Variants in SLC24A4 observed in about 807,000 individuals in gnomAD.
SLC24A4 encodes the protein sodium/potassium/calcium exchanger 4.
Under a neutral mutation model 79.0 loss-of-function variants are expected in SLC24A4, and 53 were observed. The ratio of observed to expected loss-of-function variants is 0.67; its 90% CI spans 0.54 to 0.84. The LOEUF is 0.84. Among genes scored for constraint, SLC24A4 ranks in the 40% least tolerant of loss-of-function variants. The pLI is 0.00. For synonymous variants in SLC24A4, 323 were observed against 323.8 expected (o/e 1.00, Z 0.03); for missense variants, 731 against 822.0 (o/e 0.89, Z 1.35).
chr14:92,423,827 G>A (rs1437545412), intron 2 of SLC24A4, among the ~76,000 whole-genome samples: 1 of 152,170 alleles, frequency 6.6e-6, no homozygotes, highest in Non-Finnish European at 1.5e-5. Flanking sequence ...GGCATTGTGT[G>A]CATTGGTTTA....
chr14:92,346,096 G>A (rs1242856151), intron 2 of SLC24A4, among the ~76,000 whole-genome samples: 14 of 152,130 alleles, frequency 9.2e-5, no homozygotes, highest in Admixed American at 8.5e-4. Flanking sequence ...AGGAAGCGCC[G>A]GGGCCCTGAG....
chr14:92,376,477 C>T (rs1032161973), intron 2 of SLC24A4, among the ~76,000 whole-genome samples: 3 of 152,230 alleles, frequency 2.0e-5, no homozygotes, highest in African/African-American at 4.8e-5. Context: ...GCGTGGGAGA[C>T]GACTGGCTTT....
At chr14:92,421,837 T>A (rs184764914) in intron 2 of SLC24A4, among the ~76,000 whole-genome samples, 251 of 151,554 alleles carry the variant, frequency 1.7e-3, no homozygotes, top group Admixed American at 3.1e-3. Context: ...TTCATTTTTT[T>A]AAAAAAAATA....
intron 2 of SLC24A4, among the ~76,000 whole-genome samples, chr14:92,430,346 AT>A (rs2139780735): frequency 1.3e-5 from 2 of 152,332 alleles, no homozygotes; most frequent in South Asian, 4.1e-4. Flanking sequence ...GAAAGTTTGG[AT>A]CCCTGAACGG....
At chr14:92,452,225 GC>G (rs1250362509) in intron 10 of SLC24A4, 3 of 152,232 alleles carry the variant, frequency 2.0e-5, no homozygotes, top group African/African-American at 7.2e-5. Flanking sequence ...CTCCTTCTGA[GC>G]CCAGTTGTTC....
chr14:92,358,485 T>G (rs927382286), intron 2 of SLC24A4, among the ~76,000 whole-genome samples: 4 of 152,048 alleles, frequency 2.6e-5, no homozygotes, highest in Non-Finnish European at 5.9e-5. Flanking sequence ...ACTCCGCTTG[T>G]CCGTACTCAT....
At chr14:92,393,242 G>A (rs1053917918) in intron 2 of SLC24A4, among the ~76,000 whole-genome samples, 2 of 152,246 alleles carry the variant, frequency 1.3e-5, no homozygotes, top group Non-Finnish European at 2.9e-5. Context: ...TAAAGCAGTG[G>A]GAACAGACCA....
chr14:92,449,259 A>G, intron 10 of SLC24A4, 43 bp downstream of exon 10: 1 of 1,599,008 alleles, frequency 6.3e-7, no homozygotes, highest in Non-Finnish European at 8.5e-7. Context: ...GTGTCCTGGA[A>G]GCCACTCTCT....
At chr14:92,425,939 C>G (rs1891538079) in intron 2 of SLC24A4, among the ~76,000 whole-genome samples, 1 of 152,084 alleles carries the variant, frequency 6.6e-6, no homozygotes, top group African/African-American at 2.4e-5. Flanking sequence ...GCTGTGATTG[C>G]ACCACTGCAC....
At chr14:92,423,645 A>G (rs4414423) in intron 2 of SLC24A4, among the ~76,000 whole-genome samples, 63,538 of 152,006 alleles carry the variant, frequency 0.42, 13,507 homozygotes, top group Non-Finnish European at 0.44. Flanking sequence ...AACAACCCAA[A>G]ATATTTACTC....
At chr14:92,409,654 A>G (rs948330461) in intron 2 of SLC24A4, among the ~76,000 whole-genome samples, 54 of 152,156 alleles carry the variant, frequency 3.5e-4, no homozygotes, top group Non-Finnish European at 6.5e-4. Context: ...GGATAGGGCA[A>G]CCACTCTCCT....
At chr14:92,407,422 G>T (rs1243231131) in intron 2 of SLC24A4, among the ~76,000 whole-genome samples, 3 of 152,276 alleles carry the variant, frequency 2.0e-5, no homozygotes, top group Non-Finnish European at 4.4e-5. Context: ...CATCTTTATA[G>T]CAGTACCCCA....
Position 92,434,165 on chromosome 14 carries a change from T to G in SLC24A4, c.318+177T>G, listed in dbSNP as rs539400861. On this transcript the variant is annotated intron_variant, in intron 3 of 16. Transcript: ENST00000532405. ...GGATGTCTTAAACGTGTTAGGAGACTTACCCAGTGTCACACAGCTAGTGGC... is the reference window on the plus strand; with the variant it reads ...GGATGTCTTAAACGTGTTAGGAGACGTACCCAGTGTCACACAGCTAGTGGC... Among the ~76,000 whole-genome samples, 81 of 152,274 alleles carry G rather than the reference T, an allele frequency of 5.3e-4. No individual in the cohort carries two copies. The Middle Eastern group carries it at 0.01, about 19-fold the overall frequency.
rs1888936701 is a variant in SLC24A4 at position 92,382,919 on chromosome 14, G to A, written c.242-50993G>A. 3.3e-5 allele frequency among the ~76,000 whole-genome samples: 5 copies of A among 152,188 alleles called. No homozygotes were observed. In the South Asian group the frequency reaches 1.0e-3, roughly 31 times the overall value. On this transcript the variant is annotated intron_variant, in intron 2 of 16. Transcript: ENST00000532405. ...TCTTATTGTGGTATAAAGAGACCTG[G>A]ATTTACAGTCAGAAAACCTGCACCA...
intron 2 of SLC24A4, among the ~76,000 whole-genome samples, chr14:92,400,709 T>C (rs145852696): frequency 2.0e-5 from 3 of 152,324 alleles, no homozygotes; most frequent in African/African-American, 7.2e-5. Context: ...GCTGCAATGA[T>C]AGGAAGTTAA....
rs1390917982 is a variant in SLC24A4 at position 92,343,684 on chromosome 14, CCTTCCTTCCTTCCTTCCTTT to C, written c.241+17710_241+17729del. 1.0e-2 allele frequency among the ~76,000 whole-genome samples: 1,419 copies of C among 142,446 alleles called. 35 individuals carry two copies. Among genetic ancestry groups the C allele is most frequent in the African/African-American group, 0.032 (1,198 of 37,590 alleles). 93.5% of individuals were successfully genotyped at this position (142,446 alleles called of 152,430 possible). ...TCCTTCCTTCCTTCCTTCCTTCCTT[CCTTCCTTCCTTCCTTCCTTT>C]CTTTCTTTCTTTTTTTGAGACAGAG... On this transcript the variant is annotated intron_variant, in intron 2 of 16. Transcript: ENST00000532405.
At position 92,493,750 on chromosome 14, in the gene SLC24A4, A is replaced by G; in HGVS notation, c.*122A>G. 1.7e-6 allele frequency: 2 copies of G among 1,160,812 alleles called. No homozygotes were observed. Among genetic ancestry groups the G allele is most frequent in the Non-Finnish European group, 2.4e-6 (2 of 834,492 alleles). The allele number at this position is 1,160,812 out of a possible 1,614,324, so 71.9% of individuals were successfully genotyped here. A position where few individuals can be genotyped will look rare whatever the true frequency, so the allele number is the denominator to read the frequency against. On this transcript the variant is annotated 3_prime_UTR_variant, in exon 17 of 17. Coordinates refer to ENST00000532405, the MANE Select transcript of SLC24A4 (RefSeq NM_153646.4). ...GCAGCCACTGTCCGTTCTTTCACACACTGGAAGGAAGAGCCATCGTGGTCT... is the reference window on the plus strand; with the variant it reads ...GCAGCCACTGTCCGTTCTTTCACACGCTGGAAGGAAGAGCCATCGTGGTCT...
chr14:92,410,065 A>G (rs1890624577), intron 2 of SLC24A4, among the ~76,000 whole-genome samples: 3 of 152,238 alleles, frequency 2.0e-5, no homozygotes, highest in Admixed American at 6.5e-5. Context: ...GGAGCAGAAA[A>G]GGTAACTATT....
chr14:92,415,775 T>C (rs1890948452), intron 2 of SLC24A4, among the ~76,000 whole-genome samples: 1 of 152,132 alleles, frequency 6.6e-6, no homozygotes, highest in Non-Finnish European at 1.5e-5. Context: ...TTTTATTTTT[T>C]TTTTAATTTC....
Sources: gnomAD v4.1 joint callset for allele counts (sites outside exome capture counted in the v4.1 genomes callset) on GRCh38, gnomAD v4.1.1 for gene constraint, MANE v1.5 for transcripts, NCBI Gene and HGNC (gene_info 2026-07-23, HGNC 2026-07-21) for gene names.